KALRN: variants seen among roughly 807,000 people sequenced by gnomAD.
KALRN encodes kalirin.
KALRN carries 70 observed loss-of-function variants against 353.7 expected under a neutral mutation model. The observed-to-expected ratio is 0.20, with a 90% CI of 0.16 to 0.24. The LOEUF is 0.24. Among genes scored for constraint, KALRN ranks in the 10% least tolerant of loss-of-function variants. KALRN has a pLI of 1.00. For missense variants in KALRN, 2,791 were observed against 3,756.7 expected, an observed-to-expected ratio of 0.74 and a Z score of 6.72; for synonymous variants, 1,391 against 1,434.8, an observed-to-expected ratio of 0.97 and a Z score of 0.69.
At chr3:124,380,745 G>A (rs1370830290) in intron 10 of KALRN, among the ~76,000 whole-genome samples, 1 of 152,200 alleles carries the variant, frequency 6.6e-6, no homozygotes, top group African/African-American at 2.4e-5. Flanking sequence ...GTATTGACAA[G>A]AGTCAAAGTA....
At chr3:124,187,686 A>G (rs1172013822) in intron 1 of KALRN, among the ~76,000 whole-genome samples, 1 of 152,216 alleles carries the variant, frequency 6.6e-6, no homozygotes, top group Non-Finnish European at 1.5e-5. Flanking sequence ...GATGAACTAT[A>G]AATGGATTAA....
chr3:124,164,891 C>T (rs1008506881), intron 1 of KALRN, among the ~76,000 whole-genome samples: 1 of 152,222 alleles, frequency 6.6e-6, no homozygotes, highest in Non-Finnish European at 1.5e-5. Context: ...TGGAGTCCAG[C>T]TCTACCTTCG....
At chr3:124,371,927 C>T (rs1437308170) in intron 10 of KALRN, among the ~76,000 whole-genome samples, 2 of 152,092 alleles carry the variant, frequency 1.3e-5, no homozygotes, top group Admixed American at 6.5e-5. Flanking sequence ...CCATTCCTAC[C>T]TTACCCCCAA....
intron 10 of KALRN, among the ~76,000 whole-genome samples, chr3:124,379,284 T>G (rs997801025): frequency 3.3e-5 from 5 of 152,186 alleles, no homozygotes; most frequent in African/African-American, 1.2e-4. Context: ...ACAATTATAA[T>G]AACCATTTTA....
At chr3:124,049,041 C>T in intron 1 of KALRN, among the ~76,000 whole-genome samples, 1 of 152,186 alleles carries the variant, frequency 6.6e-6, no homozygotes, top group East Asian at 1.9e-4. Context: ...CAACCAGTCC[C>T]TGTTCTCTGA....
chr3:124,202,773 T>G (rs2076073500), intron 1 of KALRN, among the ~76,000 whole-genome samples: 1 of 152,166 alleles, frequency 6.6e-6, no homozygotes, highest in Non-Finnish European at 1.5e-5. Context: ...CACCTTTTCT[T>G]CAAGACACAC....
At chr3:124,374,160 A>G (rs556782938) in intron 10 of KALRN, among the ~76,000 whole-genome samples, 1 of 152,346 alleles carries the variant, frequency 6.6e-6, no homozygotes, top group South Asian at 2.1e-4. Flanking sequence ...CCATATAAAG[A>G]CACAGTGAGA....
At chr3:124,700,892 C>G (rs998753697) in intron 56 of KALRN, among the ~76,000 whole-genome samples, 1 of 152,196 alleles carries the variant, frequency 6.6e-6, no homozygotes, top group African/African-American at 2.4e-5. Context: ...ACAGTCAGCC[C>G]GGTTTTCTCC....
Position 124,721,757 on chromosome 3 carries a change from A to G in KALRN, c.*2287A>G, listed in dbSNP as rs986307403. ...TGGATCACAAGGTCAGCAGTTCGAG[A>G]CCAGCCTGACTAACATGGTGAAACC... is the stretch of plus-strand genomic sequence containing the variant. On this transcript the variant is annotated 3_prime_UTR_variant, in exon 60 of 60. Coordinates refer to ENST00000682506, the MANE Select transcript of KALRN (RefSeq NM_001388419.1). 6.6e-6 allele frequency: 1 copy of G among 152,194 alleles called. No homozygotes were observed. Among genetic ancestry groups the G allele is most frequent in the East Asian group, 1.9e-4 (1 of 5,190 alleles). 9.4% of individuals were successfully genotyped at this position (152,194 alleles called of 1,614,324 possible).
intron 34 of KALRN, among the ~76,000 whole-genome samples, chr3:124,581,619 T>C (rs1049071550): frequency 7.2e-5 from 11 of 152,108 alleles, no homozygotes; most frequent in African/African-American, 2.7e-4. Flanking sequence ...AGAGGGAAGA[T>C]TTGAGTAAAA....
At chr3:124,127,123 T>G (rs1269881428) in intron 1 of KALRN, among the ~76,000 whole-genome samples, 1 of 152,220 alleles carries the variant, frequency 6.6e-6, no homozygotes, top group African/African-American at 2.4e-5. Context: ...TTCAAATTGG[T>G]TGCAGATTTG....
intron 2 of KALRN, among the ~76,000 whole-genome samples, chr3:124,233,753 G>A (rs2148563987): frequency 6.6e-6 from 1 of 152,240 alleles, no homozygotes; most frequent in East Asian, 1.9e-4. Flanking sequence ...TATTGGTGAG[G>A]TTCGCACCTC....
chr3:124,403,904 G>A (rs1479973053), intron 13 of KALRN, among the ~76,000 whole-genome samples: 1 of 152,100 alleles, frequency 6.6e-6, no homozygotes, highest in Non-Finnish European at 1.5e-5. Flanking sequence ...ACTGGAAGAG[G>A]CAGATGCTTA....
chr3:124,278,458 GGTGT>G (rs55855993), intron 5 of KALRN, among the ~76,000 whole-genome samples: 5,620 of 145,452 alleles, frequency 0.039, 123 homozygotes, highest in African/African-American at 0.068. Context: ...GGACACTTCA[GGTGT>G]GTGTGTGTGT....
At chr3:124,564,698 T>A (rs915658901) in intron 34 of KALRN, among the ~76,000 whole-genome samples, 1 of 152,170 alleles carries the variant, frequency 6.6e-6, no homozygotes, top group Non-Finnish European at 1.5e-5. Flanking sequence ...TTTTTAAATT[T>A]AATTTTAAAA....
At chr3:124,257,943 G>C (rs774080660) in intron 3 of KALRN, among the ~76,000 whole-genome samples, 6 of 152,210 alleles carry the variant, frequency 3.9e-5, no homozygotes, top group Non-Finnish European at 8.8e-5. Flanking sequence ...TTGAAAGTTT[G>C]ATTTGGGCTA....
At chr3:124,418,486 C>A (rs2092622535) in intron 14 of KALRN, among the ~76,000 whole-genome samples, 1 of 151,990 alleles carries the variant, frequency 6.6e-6, no homozygotes, top group Non-Finnish European at 1.5e-5. Context: ...GTGACACAGA[C>A]AGAGGAATGG....
intron 34 of KALRN, chr3:124,584,670 T>G (rs2074948361): frequency 7.0e-7 from 1 of 1,422,942 alleles, no homozygotes; most frequent in Non-Finnish European, 9.1e-7. Context: ...TGGCTCCCAG[T>G]AAGTCAGAGC....
intron 56 of KALRN, among the ~76,000 whole-genome samples, chr3:124,701,384 CTTTCTTTT>C (rs2062326385): frequency 8.2e-6 from 1 of 122,560 alleles, no homozygotes; most frequent in African/African-American, 3.1e-5. Context: ...TTCTTTCTTT[CTTTCTTTT>C]TTTTTTTTTT....
Sources: gnomAD v4.1 joint callset for allele counts (sites outside exome capture counted in the v4.1 genomes callset) on GRCh38, gnomAD v4.1.1 for gene constraint, MANE v1.5 for transcripts, NCBI Gene and HGNC (gene_info 2026-07-23, HGNC 2026-07-21) for gene names.